ZFX: variants seen among roughly 807,000 people sequenced by gnomAD.
ZFX encodes the protein zinc finger protein X-linked, also known as zinc finger X-chromosomal protein.
For synonymous variants in ZFX, 196 were observed against 226.8 expected (o/e 0.86, Z 1.22); for missense variants, 362 against 628.3 (o/e 0.58, Z 4.53).
Position 24,210,201 on chromosome X carries a change from A to C in ZFX, c.1243A>C (p.Ile415Leu). ...DSRQYQTAII[I>L]GPDGHPLTVY... is the part of the protein sequence containing the mutation. Reference sequence around the variant, plus strand: ...TTCTTTTCCTTTTTTAGCAATAATTATTGGCCCTGATGGACATCCTTTGAC... The same window carrying C: ...TTCTTTTCCTTTTTTAGCAATAATTCTTGGCCCTGATGGACATCCTTTGAC... The change falls in exon 10 of 10, where the codon ATT becomes CTT. Residue 415 changes from isoleucine to leucine, a missense_variant. Coordinates refer to ENST00000304543, the MANE Select transcript of ZFX (RefSeq NM_003410.4). 8.3e-7 allele frequency: 1 copy of C among 1,211,720 alleles called. No individual in the cohort carries two copies. The highest frequency in any genetic ancestry group is 1.8e-5 in the South Asian group (1 of 56,956).
At chrX:24,155,284 A>T (rs1411950193) in intron 3 of ZFX, among the ~76,000 whole-genome samples, 2 of 112,087 alleles carry the variant, frequency 1.8e-5, no homozygotes, top group Non-Finnish European at 3.8e-5. Context: ...TGTGGTTCTT[A>T]ATTTTTGTTT....
chrX:24,184,072 A>G (rs1034545939), intron 5 of ZFX, among the ~76,000 whole-genome samples: 1 of 112,022 alleles, frequency 8.9e-6, no homozygotes, highest in African/African-American at 3.2e-5. Context: ...AAACACAGAT[A>G]AATTTCATGT....
intron 4 of ZFX, among the ~76,000 whole-genome samples, chrX:24,173,072 C>G (rs951893484): frequency 9.0e-6 from 1 of 111,624 alleles, no homozygotes; most frequent in African/African-American, 3.3e-5. Flanking sequence ...AGTTATGTCC[C>G]TAATTCCTGT....
At chrX:24,161,290 G>A (rs1449675876) in intron 3 of ZFX, among the ~76,000 whole-genome samples, 2 of 112,034 alleles carry the variant, frequency 1.8e-5, no homozygotes, top group African/African-American at 3.2e-5. Flanking sequence ...AAAGATGTCC[G>A]TTCTCTCTAA....
intron 5 of ZFX, among the ~76,000 whole-genome samples, chrX:24,190,498 G>C (rs1030944282): frequency 1.8e-5 from 2 of 111,914 alleles, no homozygotes; most frequent in African/African-American, 6.5e-5. Flanking sequence ...AGATGTTTTA[G>C]TTTCTCCCTT....
intron 3 of ZFX, among the ~76,000 whole-genome samples, chrX:24,159,786 C>T (rs187781213): frequency 2.0e-3 from 228 of 111,566 alleles, no homozygotes; most frequent in African/African-American, 7.1e-3. Context: ...CCGAGCGAGA[C>T]GATCTGTTTC....
chrX:24,207,545 T>C (rs1937679761), intron 6 of ZFX, 70 bp downstream of exon 6: 1 of 1,154,166 alleles, frequency 8.7e-7, no homozygotes, highest in Admixed American at 2.6e-5. Flanking sequence ...TTGGGTTATT[T>C]AGATTGAGAA....
chrX:24,171,892 G>A (rs1373872671), intron 3 of ZFX, among the ~76,000 whole-genome samples: 2 of 77,930 alleles, frequency 2.6e-5, no homozygotes, highest in Middle Eastern at 5.6e-3. Flanking sequence ...CAGCCACCAG[G>A]ACAGAGAGAG....
At chrX:24,207,978 CTT>C (rs1315861897) in intron 7 of ZFX, 123 bp downstream of exon 7, 1 of 949,190 alleles carries the variant, frequency 1.1e-6, no homozygotes, top group Non-Finnish European at 1.4e-6. Flanking sequence ...AGGGAAACAT[CTT>C]TGACTCTTTT....
chrX:24,153,492 T>A (rs1431555406), intron 3 of ZFX, among the ~76,000 whole-genome samples: 3 of 111,416 alleles, frequency 2.7e-5, no homozygotes, highest in African/African-American at 9.8e-5. Flanking sequence ...TTAACCTCTC[T>A]TTACAAATAT....
At chrX:24,161,399 C>T (rs903422528) in intron 3 of ZFX, among the ~76,000 whole-genome samples, 6 of 111,791 alleles carry the variant, frequency 5.4e-5, no homozygotes, top group Non-Finnish European at 1.1e-4. Flanking sequence ...TAGGCTAGTT[C>T]TCAAATTTAC....
At chrX:24,152,064 T>G (rs758860976) in intron 2 of ZFX, among the ~76,000 whole-genome samples, 3 of 111,492 alleles carry the variant, frequency 2.7e-5, no homozygotes, top group Non-Finnish European at 5.6e-5. Context: ...ACATTTCATT[T>G]ACCATGGTTG....
chrX:24,174,550 C>T (rs1021945744), intron 4 of ZFX, among the ~76,000 whole-genome samples: 8 of 107,756 alleles, frequency 7.4e-5, no homozygotes, highest in South Asian at 4.2e-4. Flanking sequence ...TGCACCACCA[C>T]GCCCAGCTAA....
At chrX:24,207,092 G>A (rs1937627562) in intron 5 of ZFX, 1 of 300,500 alleles carries the variant, frequency 3.3e-6, no homozygotes, top group Non-Finnish European at 5.9e-6. Context: ...AATTAGCCGG[G>A]CGTGGTGGTA....
intron 3 of ZFX, among the ~76,000 whole-genome samples, chrX:24,162,082 G>A (rs1325255014): frequency 9.2e-6 from 1 of 109,185 alleles, no homozygotes; most frequent in Non-Finnish European, 1.9e-5. Context: ...GAAATCTCTA[G>A]CTGGGCGTGG....
intron 4 of ZFX, chrX:24,177,869 A>G: frequency 5.3e-6 from 4 of 751,345 alleles, no homozygotes; most frequent in Non-Finnish European, 4.7e-6. Context: ...GCAAAAAGGT[A>G]AAACACATAT....
At chrX:24,166,538 C>T (rs1260083420) in intron 3 of ZFX, among the ~76,000 whole-genome samples, 1 of 111,879 alleles carries the variant, frequency 8.9e-6, no homozygotes, top group Non-Finnish European at 1.9e-5. Flanking sequence ...TTTCTCTTTT[C>T]CTTTTAGACT....
chrX:24,180,949 C>T (rs1420058504), intron 5 of ZFX, among the ~76,000 whole-genome samples: 2 of 111,987 alleles, frequency 1.8e-5, no homozygotes, highest in African/African-American at 3.2e-5. Flanking sequence ...GTACCAATTT[C>T]GGAGATAAAA....
Position 24,179,518 on chromosome X carries a change from C to G in ZFX, c.394C>G (p.His132Asp). The G allele has an allele frequency of 8.2e-7, 1 of 1,212,190 alleles. No individual in the cohort carries two copies. The highest frequency in any genetic ancestry group is 1.1e-6 in the Non-Finnish European group (1 of 895,646). ...TTCAGCCTCAATGTCTATGCCAGAA[C>G]ACGTCTTGACGGGTGATTCTATACA... ...ITSASMSMPE[H>D]VLTGDSIHVS... The change falls in exon 5 of 10, where the codon CAC becomes GAC. Residue 132 changes from histidine to aspartate, a missense_variant. Coordinates refer to ENST00000304543, the MANE Select transcript of ZFX (RefSeq NM_003410.4).
Sources: allele counts gnomAD v4.1 joint callset (sites outside exome capture counted in the v4.1 genomes callset), GRCh38; gene constraint gnomAD v4.1.1; transcripts MANE v1.5; gene names NCBI Gene and HGNC (gene_info 2026-07-23, HGNC 2026-07-21).